SARS1: variants seen among roughly 807,000 people sequenced by gnomAD.
SARS1 encodes serine--tRNA ligase, cytoplasmic.
Under a neutral mutation model 63.7 loss-of-function variants are expected in SARS1, and 25 were observed. The ratio of observed to expected loss-of-function variants is 0.39; its 90% CI spans 0.29 to 0.55. The LOEUF is 0.55. Ranked by LOEUF, SARS1 falls within the 20% of genes least tolerant of loss-of-function variation. The pLI is 0.62. For missense variants in SARS1, 417 were observed against 649.7 expected (o/e 0.64, Z 3.89); for synonymous variants, 231 against 243.5 (o/e 0.95, Z 0.48).
intron 9 of SARS1, 126 bp downstream of exon 9, chr1:109,236,674 CA>C: frequency 1.3e-6 from 2 of 1,487,030 alleles, no homozygotes; most frequent in Non-Finnish European, 1.8e-6. Context: ...CAATCTAGAC[CA>C]AAAAGGGAAT....
rs1654788110 is a variant in SARS1, at chr1:109,216,414, T to C, written c.136+2286T>C. The C allele has an allele frequency of 1.3e-5, 13 of 985,224 alleles. No homozygotes were observed. The South Asian group carries it at 6.1e-4, about 46-fold the overall frequency. 61.0% of individuals were successfully genotyped at this position (985,224 alleles called of 1,614,324 possible). A position where few individuals can be genotyped will look rare whatever the true frequency, so the allele number is the denominator to read the frequency against. On this transcript the variant is annotated intron_variant, in intron 1 of 10. Transcript: ENST00000234677. ...ACCACATTGGAACTCACAACTCTTC[T>C]AACTCCAGGGATTTGAATGTGATTT...
At position 109,236,040 on chromosome 1, in the gene SARS1, A is replaced by G. The variant is rs766897116; in HGVS notation, c.1033A>G (p.Ile345Val). Residue 345 changes from isoleucine (I) to valine (V), a missense_variant, in exon 8 of 11, where the codon ATT (isoleucine) becomes GTT (valine). Ile to Val is a conservative substitution (Grantham distance 29). Around this residue, in one of 3 missense-constraint regions of SARS1, gnomAD observed 359 missense variants for 529.6 expected, o/e 0.68. Coordinates refer to ENST00000234677, the MANE Select transcript of SARS1 (RefSeq NM_006513.4). ...GTCATGGGAGATGTTTGAAGAGATG[A>G]TTACCACCGCAGAGGAGTTCTACCA... ...NKSWEMFEEM[I>V]TTAEEFYQSL... 6.2e-7 allele frequency: 1 copy of G among 1,613,882 alleles called. No homozygotes were observed. The highest frequency in any genetic ancestry group is 8.5e-7 in the Non-Finnish European group (1 of 1,179,798).
intron 8 of SARS1, 25 bp from the exon 9 acceptor site, chr1:109,236,366 G>C: frequency 2.5e-6 from 4 of 1,575,184 alleles, no homozygotes; most frequent in Non-Finnish European, 3.5e-6. Context: ...CCTCCTTCAT[G>C]AATTCTAGGG....
In SARS1 at chr1:109,235,926, C is replaced by T; in HGVS notation, c.970-51C>T. 3.3e-6 allele frequency: 5 copies of T among 1,522,628 alleles called. No homozygotes were observed. The highest frequency in any genetic ancestry group is 4.4e-6 in the Non-Finnish European group (5 of 1,133,678). The allele number at this position is 1,522,628 out of a possible 1,614,324, so 94.3% of individuals were successfully genotyped here. On this transcript the variant is annotated intron_variant, in intron 7 of 10. Coordinates refer to ENST00000234677, the MANE Select transcript of SARS1 (RefSeq NM_006513.4). This position sits in a 1 kb window ranked among gnomAD's most constrained non-coding sequence, Gnocchi z 4.7. ...GGCAAGGATGTCTCCCACTTCAGTC[C>T]TTTATTCACCCTATACCGCTGTCAC...
intron 3 of SARS1, 75 bp from the exon 4 acceptor site, chr1:109,229,339 A>T (rs1655156632): frequency 6.7e-7 from 1 of 1,482,790 alleles, no homozygotes; most frequent in Admixed American, 1.9e-5. Context: ...CAACAGGGTT[A>T]GGGCAACCGA....
chr1:109,227,045 G>A (rs1454856145), intron 2 of SARS1, among the ~76,000 whole-genome samples: 12 of 148,152 alleles, frequency 8.1e-5, no homozygotes, highest in Admixed American at 7.4e-4. Flanking sequence ...ACCCAGGCTG[G>A]AGTGCAGTGG....
intron 6 of SARS1, among the ~76,000 whole-genome samples, chr1:109,234,612 T>A (rs1570763470): frequency 6.6e-6 from 1 of 152,166 alleles, no homozygotes; most frequent in Non-Finnish European, 1.5e-5. Context: ...CCAGCACAGG[T>A]TTATTGCATA....
At chr1:109,219,132 G>T (rs1258032443) in intron 1 of SARS1, among the ~76,000 whole-genome samples, 2 of 150,998 alleles carry the variant, frequency 1.3e-5, no homozygotes, top group East Asian at 3.9e-4. Context: ...CGGGTGTGGT[G>T]GCGGGCGCCT....
intron 1 of SARS1, chr1:109,217,186 T>A: frequency 4.2e-6 from 4 of 950,608 alleles, no homozygotes; most frequent in Non-Finnish European, 5.0e-6. Context: ...TTAGGATGGG[T>A]TTATGTCCCA....
chr1:109,225,837 G>A (rs2101193269), intron 2 of SARS1, among the ~76,000 whole-genome samples: 1 of 152,272 alleles, frequency 6.6e-6, no homozygotes, highest in South Asian at 2.1e-4. Flanking sequence ...TGCCCTGAGG[G>A]ATTATCAAAT....
At chr1:109,216,956 C>T (rs1190318324) in intron 1 of SARS1, 12 of 985,302 alleles carry the variant, frequency 1.2e-5, no homozygotes, top group Admixed American at 6.1e-5. Context: ...CTTTACTGCA[C>T]ATGTTTTAAA....
Position 109,237,703 on chromosome 1 carries a change from G to A in SARS1, c.1388-28G>A. On this transcript the variant is annotated intron_variant, in intron 10 of 10. Coordinates refer to ENST00000234677, the MANE Select transcript of SARS1 (RefSeq NM_006513.4). The surrounding 1 kb of genome is among the most constrained non-coding windows in gnomAD (Gnocchi z 4.1). ...GGCTTTGACTCACTGAGAAACAACA[G>A]GTCATTTGGTTGGCTCTTCCCTCCC... 6.2e-7 allele frequency: 1 copy of A among 1,612,276 alleles called. No individual in the cohort carries two copies. Among genetic ancestry groups the A allele is most frequent in the Non-Finnish European group, 8.5e-7 (1 of 1,179,018 alleles).
intron 1 of SARS1, among the ~76,000 whole-genome samples, chr1:109,219,663 C>T (rs1201972694): frequency 1.3e-5 from 2 of 151,954 alleles, no homozygotes; most frequent in African/African-American, 2.4e-5. Flanking sequence ...CAGGCACCCA[C>T]CACCATGCCT....
In SARS1 at chr1:109,229,434, C is replaced by T. The variant is rs1206977223; in HGVS notation, c.309C>T (p.Ile103=). 1 of 1,614,020 alleles carries T rather than the reference C, an allele frequency of 6.2e-7. No individual in the cohort carries two copies. The highest frequency in any genetic ancestry group is 8.5e-7 in the Non-Finnish European group (1 of 1,179,984). ...DALANLKVSQ[I]KKVRLLIDEA... ...TGCAGAACCTGAAAGTCTCACAAAT[C>T]AAAAAAGTCCGACTCCTCATTGATG... The change falls in exon 4 of 11, where the codon ATC becomes ATT. Residue 103 remains isoleucine, a synonymous_variant. Coordinates refer to ENST00000234677, the MANE Select transcript of SARS1 (RefSeq NM_006513.4).
At chr1:109,234,394 A>G (rs1016049072) in intron 6 of SARS1, among the ~76,000 whole-genome samples, 1 of 151,462 alleles carries the variant, frequency 6.6e-6, no homozygotes, top group African/African-American at 2.4e-5. Context: ...TTATGGTTGT[A>G]TAATATTACA....
intron 6 of SARS1, among the ~76,000 whole-genome samples, chr1:109,233,867 T>G (rs1655256883): frequency 7.5e-6 from 1 of 133,270 alleles, no homozygotes; most frequent in African/African-American, 2.7e-5. Flanking sequence ...GGCTAATTTT[T>G]TTTTTTTTTT....
chr1:109,231,938 A>G (rs959108034), intron 6 of SARS1, 152 bp downstream of exon 6: 1 of 567,386 alleles, frequency 1.8e-6, no homozygotes, highest in Non-Finnish European at 2.8e-6. Context: ...GGGTGGTGCA[A>G]TGGAGGAAGC....
At chr1:109,230,795 A>AC in intron 4 of SARS1, 83 bp from the exon 5 acceptor site, 1 of 1,288,364 alleles carries the variant, frequency 7.8e-7, no homozygotes, top group Non-Finnish European at 1.1e-6. Flanking sequence ...ACGGCGTAAG[A>AC]CCCTGTCTCC....
intron 1 of SARS1, chr1:109,216,063 A>T (rs1373817485): frequency 1.0e-6 from 1 of 985,164 alleles, no homozygotes; most frequent in Non-Finnish European, 1.2e-6. Flanking sequence ...AACCCTTTCC[A>T]ATATTCTCTT....
Sources: allele counts gnomAD v4.1 joint callset (sites outside exome capture counted in the v4.1 genomes callset), GRCh38; gene constraint gnomAD v4.1.1; regional missense constraint gnomAD v4.1.1; non-coding constraint Gnocchi (gnomAD v3.1); transcripts MANE v1.5; gene names NCBI Gene and HGNC (gene_info 2026-07-23, HGNC 2026-07-21).